The following GAS2L3 variants were observed in gnomAD, a reference collection of about 807,000 sequenced individuals.
GAS2L3 encodes GAS2-like protein 3.
Under a neutral mutation model 37.0 loss-of-function variants are expected in GAS2L3, and 28 were observed. That is an observed-to-expected ratio of 0.76 (90% CI 0.56 to 1.04). The LOEUF (loss-of-function observed/expected upper bound fraction) is 1.04. GAS2L3 is among the 50% of genes least tolerant of loss of function. The pLI is 0.00. For synonymous variants in GAS2L3, 290 were observed against 296.6 expected (o/e 0.98, Z 0.23); for missense variants, 793 against 817.6 (o/e 0.97, Z 0.37).
rs142436909 is a variant in GAS2L3, at chr12:100,580,872, T to A, written c.-152+7087T>A. Among the ~76,000 whole-genome samples, 64 of 152,300 alleles carry A rather than the reference T, an allele frequency of 4.2e-4. 1 individual carries two copies. The East Asian group carries it at 0.012, about 29-fold the overall frequency. Reference sequence around the variant, plus strand: ...ATTCAAATGGCTTATTTCATCATAGTCATGGTTGATATAAGATATATAGCC... The same window carrying A: ...ATTCAAATGGCTTATTTCATCATAGACATGGTTGATATAAGATATATAGCC... On this transcript the variant is annotated intron_variant, in intron 1 of 9. Transcript: ENST00000547754.
In GAS2L3 at chr12:100,587,533, TC is replaced by T. The variant is rs546375141; in HGVS notation, c.-151-4200del. On this transcript the variant is annotated intron_variant, in intron 1 of 9. Transcript: ENST00000547754. The stretch of plus-strand genomic sequence containing the variant: ...AAAAAGCATTAGGCAAAATCCAGCA[TC>T]CCTTTCTGATTAAAACTCTCAGCAA... 2.0e-5 allele frequency among the ~76,000 whole-genome samples: 3 copies of T among 152,264 alleles called. No homozygotes were observed. The South Asian group carries it at 6.2e-4, about 32-fold the overall frequency.
intron 2 of GAS2L3, chr12:100,593,963 A>C (rs4764744): frequency 0.16 from 24,683 of 152,004 alleles, 2,872 homozygotes; most frequent in East Asian, 0.48. Flanking sequence ...AATGTTCCTG[A>C]AAGGAAAGTG....
At chr12:100,620,768 A>G (rs1956242733) in intron 8 of GAS2L3, among the ~76,000 whole-genome samples, 2 of 152,052 alleles carry the variant, frequency 1.3e-5, no homozygotes, top group Non-Finnish European at 2.9e-5. Flanking sequence ...AAATTTTTAC[A>G]GACAGAAAGT....
chr12:100,623,539 T>G, intron 9 of GAS2L3, 23 bp from the exon 10 acceptor site: 2 of 1,567,704 alleles, frequency 1.3e-6, no homozygotes, highest in Non-Finnish European at 1.7e-6. Flanking sequence ...ACAGCTTTAC[T>G]TTTTGTTTTC....
chr12:100,583,305 T>A (rs1955736948), intron 1 of GAS2L3, among the ~76,000 whole-genome samples: 1 of 152,250 alleles, frequency 6.6e-6, no homozygotes, highest in African/African-American at 2.4e-5. Context: ...AGGATTAGGA[T>A]GTAGACAACT....
At chr12:100,585,265 C>G (rs1166615006) in intron 1 of GAS2L3, among the ~76,000 whole-genome samples, 2 of 150,048 alleles carry the variant, frequency 1.3e-5, no homozygotes, top group African/African-American at 2.5e-5. Context: ...TTTTCTTCCC[C>G]CAAGATGGAG....
At chr12:100,609,540 G>C (rs1956101289) in intron 5 of GAS2L3, among the ~76,000 whole-genome samples, 1 of 152,100 alleles carries the variant, frequency 6.6e-6, no homozygotes, top group African/African-American at 2.4e-5. Flanking sequence ...TAGCCACCCT[G>C]GTTGATGTCT....
intron 2 of GAS2L3, among the ~76,000 whole-genome samples, chr12:100,592,922 TA>T (rs1304407511): frequency 6.6e-6 from 1 of 152,156 alleles, no homozygotes; most frequent in Non-Finnish European, 1.5e-5. Flanking sequence ...GATGCAAAAT[TA>T]AATGTTACTG....
chr12:100,614,931 G>C (rs1956168840), intron 6 of GAS2L3, among the ~76,000 whole-genome samples: 1 of 152,184 alleles, frequency 6.6e-6, no homozygotes. Flanking sequence ...GTGGGCATTT[G>C]GATTGTTTCC....
At chr12:100,579,206 C>G in intron 1 of GAS2L3, 1 of 622,850 alleles carries the variant, frequency 1.6e-6, no homozygotes, top group Non-Finnish European at 3.0e-6. Flanking sequence ...AACAGACCAT[C>G]CCCTTTCTGG....
At chr12:100,607,916 C>A (rs775127356) in intron 5 of GAS2L3, among the ~76,000 whole-genome samples, 24 of 152,018 alleles carry the variant, frequency 1.6e-4, no homozygotes, top group Non-Finnish European at 4.4e-5. Flanking sequence ...AGGATTGGTC[C>A]CTGGTACCTT....
At chr12:100,579,212 T>G in intron 1 of GAS2L3, 1 of 619,488 alleles carries the variant, frequency 1.6e-6, no homozygotes, top group Non-Finnish European at 3.0e-6. Context: ...CCATCCCCTT[T>G]CTGGATTTGC....
At chr12:100,595,800 A>C (rs1955904560) in intron 3 of GAS2L3, among the ~76,000 whole-genome samples, 1 of 152,028 alleles carries the variant, frequency 6.6e-6, no homozygotes. Flanking sequence ...TCAATGAGAT[A>C]ACATGTGCAA....
In GAS2L3 at chr12:100,579,955, C is replaced by T; in HGVS notation, c.-152+6170C>T. The T allele has an allele frequency of 3.8e-6, 3 of 797,054 alleles. No homozygotes were observed. In the Admixed American group the frequency reaches 5.1e-5, roughly 14 times the overall value. The allele number at this position is 797,054 out of a possible 1,614,324, so 49.4% of individuals were successfully genotyped here. A position where few individuals can be genotyped will look rare whatever the true frequency, so the allele number is the denominator to read the frequency against. On this transcript the variant is annotated intron_variant, in intron 1 of 9. Transcript: ENST00000547754. ...GCGTATGACCAAGTATCAGTGGAAT[C>T]TGTGTTGCCAATGGACAAACAACTG...
In GAS2L3 at chr12:100,600,397, G is replaced by C; in HGVS notation, c.34G>C (p.Asp12His). ...TTTTCTTTAGGTATGGTTTGGAGAA[G>C]ATCTGCCTCTAAGTCCTCGGAGTCC... ...QPAIQVWFGEDLPLSPRSPLT... is the reference protein window; with the variant it reads ...QPAIQVWFGEHLPLSPRSPLT... The change falls in exon 4 of 10, where the codon GAT becomes CAT. Residue 12 changes from aspartate to histidine, a missense_variant. Coordinates refer to ENST00000547754, the MANE Select transcript of GAS2L3 (RefSeq NM_174942.3). 3.8e-6 allele frequency: 6 copies of C among 1,588,724 alleles called. No individual in the cohort carries two copies. The South Asian group carries it at 6.9e-5, about 18-fold the overall frequency.
intron 1 of GAS2L3, among the ~76,000 whole-genome samples, chr12:100,575,585 G>A (rs1443463708): frequency 6.8e-6 from 1 of 147,438 alleles, no homozygotes; most frequent in African/African-American, 2.5e-5. Flanking sequence ...GGGTTCAAGC[G>A]ATTCTCCTGC....
Position 100,612,047 on chromosome 12 carries a change from T to C in GAS2L3, c.351T>C (p.Gly117=). ...KVPCKKDAAS[G]SFFARDNTAN... Reference sequence around the variant, plus strand: ...CCTGTAAGAAAGATGCTGCATCAGGTTCATTCTTTGCTCGGGACAATACCG... The same window carrying C: ...CCTGTAAGAAAGATGCTGCATCAGGCTCATTCTTTGCTCGGGACAATACCG... Residue 117 remains glycine, a synonymous_variant, in exon 6 of 10, where the codon GGT becomes GGC. Transcript: ENST00000547754. 6.2e-7 allele frequency: 1 copy of C among 1,611,466 alleles called. No homozygotes were observed. The highest frequency in any genetic ancestry group is 2.2e-5 in the East Asian group (1 of 44,844).
At chr12:100,589,850 G>T (rs555043087) in intron 1 of GAS2L3, among the ~76,000 whole-genome samples, 22 of 152,284 alleles carry the variant, frequency 1.4e-4, no homozygotes, top group Non-Finnish European at 2.8e-4. Flanking sequence ...AACAAATGGT[G>T]CCGGGATAAT....
intron 9 of GAS2L3, among the ~76,000 whole-genome samples, chr12:100,623,191 T>G (rs1956280684): frequency 6.6e-6 from 1 of 152,078 alleles, no homozygotes; most frequent in African/African-American, 2.4e-5. Context: ...GCACAGAGCA[T>G]AGGACTTAGA....
Sources: gnomAD v4.1 joint callset for allele counts (sites outside exome capture counted in the v4.1 genomes callset) on GRCh38, gnomAD v4.1.1 for gene constraint, MANE v1.5 for transcripts, NCBI Gene and HGNC (gene_info 2026-07-23, HGNC 2026-07-21) for gene names.